The following PTPN3 variants were observed in gnomAD, a reference collection of about 807,000 sequenced individuals.
PTPN3 encodes protein tyrosine phosphatase non-receptor type 3, also known as tyrosine-protein phosphatase non-receptor type 3.
PTPN3 carries 96 observed loss-of-function variants against 132.7 expected under a neutral mutation model. The ratio of observed to expected loss-of-function variants is 0.72; its 90% CI spans 0.61 to 0.86. The LOEUF is 0.86. Among genes scored for constraint, PTPN3 ranks in the 40% least tolerant of loss-of-function variants. PTPN3 has a pLI of 0.00. For missense variants in PTPN3, 1,125 were observed against 1,159.6 expected (o/e 0.97, Z 0.43); for synonymous variants, 398 against 429.0 (o/e 0.93, Z 0.89).
At chr9:109,503,709 T>C in the PTPN3 span, among the ~76,000 whole-genome samples, 3 of 141,650 alleles carry the variant, frequency 2.1e-5, no homozygotes, top group Non-Finnish European at 4.7e-5. Flanking sequence ...TGAGACTCCA[T>C]CTCAAAAAAA....
chr9:109,451,610 T>C (rs576389647), intron 5 of PTPN3, among the ~76,000 whole-genome samples: 4 of 152,222 alleles, frequency 2.6e-5, no homozygotes, highest in African/African-American at 4.8e-5. Context: ...CTCTCCATCA[T>C]GAATGCCCTA....
chr9:109,481,428 G>T (rs780309880), intron 1 of PTPN3, among the ~76,000 whole-genome samples: 1 of 152,194 alleles, frequency 6.6e-6, no homozygotes, highest in African/African-American at 2.4e-5. Context: ...CTCCACCAGG[G>T]TCTCATGCTT....
At chr9:109,427,224 A>G in intron 11 of PTPN3, 102 bp from the exon 12 acceptor site, 1 of 1,298,536 alleles carries the variant, frequency 7.7e-7, no homozygotes, top group South Asian at 1.4e-5. Context: ...TGCAACAGAC[A>G]GCAGAAAACT....
chr9:109,437,472 C>T (rs1380207376), intron 8 of PTPN3, among the ~76,000 whole-genome samples: 7 of 152,158 alleles, frequency 4.6e-5, no homozygotes. Flanking sequence ...ATGGCTTTCC[C>T]AAGAAGAGAG....
At chr9:109,457,435 T>C in intron 2 of PTPN3, 36 bp from the exon 3 acceptor site, 1 of 1,539,934 alleles carries the variant, frequency 6.5e-7, no homozygotes, top group Non-Finnish European at 8.9e-7. Context: ...GGAAAAGTCT[T>C]AAATTAATTG....
At chr9:109,395,808 GTC>G (rs888599436) in intron 19 of PTPN3, among the ~76,000 whole-genome samples, 3 of 148,842 alleles carry the variant, frequency 2.0e-5, no homozygotes, top group Admixed American at 6.7e-5. Context: ...CTGTGTGTGT[GTC>G]TCTCTCTCTC....
the PTPN3 span, among the ~76,000 whole-genome samples, chr9:109,528,335 T>C: frequency 6.6e-6 from 1 of 152,214 alleles, no homozygotes; most frequent in Non-Finnish European, 1.5e-5. Flanking sequence ...AATGCAAATG[T>C]CCATTAACAG....
chr9:109,408,796 A>AAAAAT (rs1377996219), intron 16 of PTPN3, among the ~76,000 whole-genome samples: 5 of 108,360 alleles, frequency 4.6e-5, no homozygotes, highest in African/African-American at 1.9e-4. Flanking sequence ...AAAAAAAAAA[A>AAAAAT]ATATATATAT....
intron 1 of PTPN3, among the ~76,000 whole-genome samples, chr9:109,495,382 G>A (rs1847628820): frequency 6.6e-6 from 1 of 152,198 alleles, no homozygotes; most frequent in African/African-American, 2.4e-5. Flanking sequence ...GAGGGTTGGG[G>A]AAAGGCAGGG....
chr9:109,467,278 T>C (rs1249087031), intron 1 of PTPN3, among the ~76,000 whole-genome samples: 1 of 150,886 alleles, frequency 6.6e-6, no homozygotes, highest in African/African-American at 2.4e-5. Flanking sequence ...TTTTTTTTTT[T>C]CAAAAGACAC....
chr9:109,423,908 A>T (rs1255391790), intron 12 of PTPN3, among the ~76,000 whole-genome samples: 2 of 152,224 alleles, frequency 1.3e-5, no homozygotes, highest in Non-Finnish European at 1.5e-5. Context: ...AAGAACAAAC[A>T]AAAGAACATA....
chr9:109,417,496 A>G lies in PTPN3; in HGVS notation c.1313+2928T>C. The G allele has an allele frequency of 4.9e-6, 4 of 811,106 alleles. No individual in the cohort carries two copies. The South Asian group carries it at 2.3e-4, about 46-fold the overall frequency. 50.2% of individuals were successfully genotyped at this position (811,106 alleles called of 1,614,324 possible). On this transcript the variant is annotated intron_variant, in intron 14 of 25. Coordinates refer to ENST00000374541, the MANE Select transcript of PTPN3 (RefSeq NM_002829.4). ...TATAAAACATGTCAAATATTTTGTA[A>G]ACATTTTGCAAATACTCACAGAAAC...
At chr9:109,446,888 C>G (rs2131983019) in intron 6 of PTPN3, among the ~76,000 whole-genome samples, 1 of 152,314 alleles carries the variant, frequency 6.6e-6, no homozygotes, top group South Asian at 2.1e-4. Flanking sequence ...ATGAGATCAA[C>G]CATCTTGGAA....
At chr9:109,523,709 C>G in the PTPN3 span, among the ~76,000 whole-genome samples, 1 of 152,284 alleles carries the variant, frequency 6.6e-6, no homozygotes, top group South Asian at 2.1e-4. Context: ...AATGTGGTAA[C>G]TTCACCCCAT....
At chr9:109,385,899 G>A (rs924313900) in intron 22 of PTPN3, among the ~76,000 whole-genome samples, 9 of 152,200 alleles carry the variant, frequency 5.9e-5, no homozygotes, top group African/African-American at 2.2e-4. Context: ...TCGAGAAGAG[G>A]CTTCAGGAAG....
At chr9:109,472,020 T>C (rs1564472795) in intron 1 of PTPN3, among the ~76,000 whole-genome samples, 1 of 152,198 alleles carries the variant, frequency 6.6e-6, no homozygotes, top group African/African-American at 2.4e-5. Flanking sequence ...TAAATAGAGT[T>C]TCTGTAGCTT....
intron 14 of PTPN3, among the ~76,000 whole-genome samples, chr9:109,413,179 C>A (rs1364935182): frequency 6.6e-6 from 1 of 151,536 alleles, no homozygotes; most frequent in Admixed American, 6.6e-5. Flanking sequence ...TGGTCTCGAT[C>A]TCTTGACCTT....
intron 14 of PTPN3, chr9:109,417,525 C>A (rs1842609230): frequency 3.3e-6 from 3 of 922,222 alleles, no homozygotes; most frequent in Non-Finnish European, 3.9e-6. Flanking sequence ...CAGAAACTAA[C>A]CAACAGGTTT....
chr9:109,394,583 C>T (rs1055921996), intron 19 of PTPN3, among the ~76,000 whole-genome samples: 4 of 152,134 alleles, frequency 2.6e-5, no homozygotes, highest in African/African-American at 9.6e-5. Context: ...GTTGGGACTA[C>T]AGGCATGTGC....
Sources: gnomAD v4.1 joint callset for allele counts (sites outside exome capture counted in the v4.1 genomes callset) on GRCh38, gnomAD v4.1.1 for gene constraint, MANE v1.5 for transcripts, NCBI Gene and HGNC (gene_info 2026-07-23, HGNC 2026-07-21) for gene names.